CCDC69: variants seen among roughly 807,000 people sequenced by gnomAD.
The protein encoded by CCDC69 is coiled-coil domain-containing protein 69.
A neutral mutation model predicts 40.3 loss-of-function variants in CCDC69; 38 were observed. The observed-to-expected ratio is 0.94, with a 90% CI of 0.73 to 1.24. CCDC69 has a LOEUF of 1.24. Ranked by LOEUF, CCDC69 falls within the 50% of genes most tolerant of loss-of-function variation. CCDC69 has a pLI of 0.00. For missense variants in CCDC69, 389 were observed against 357.9 expected, an observed-to-expected ratio of 1.09 and a Z score of -0.70; for synonymous variants, 141 against 138.9, an observed-to-expected ratio of 1.02 and a Z score of -0.11.
chr5:151,210,368 C>A (rs915141015), intron 1 of CCDC69, among the ~76,000 whole-genome samples: 1 of 151,378 alleles, frequency 6.6e-6, no homozygotes, highest in African/African-American at 2.4e-5. Context: ...ACCTGTGAAA[C>A]CCCGTCTCTA....
chr5:151,223,943 T>C lies in CCDC69; in HGVS notation c.28A>G (p.Ser10Gly). Reference protein sequence around the residue: MGCRHSRLSSCKPPKKKRQE... With the variant: MGCRHSRLSGCKPPKKKRQE... ...TTTACCTTTTTCGGGGGTTTGCAGCTGCTCAGCCTGCTGTGTCTGCAGCCC... is the reference window on the plus strand; with the variant it reads ...TTTACCTTTTTCGGGGGTTTGCAGCCGCTCAGCCTGCTGTGTCTGCAGCCC... The change falls in exon 1 of 9, where the codon AGC becomes GGC. Residue 10 changes from serine to glycine, a missense_variant. Ser to Gly is a moderately conservative substitution (Grantham distance 56, BLOSUM62 0). Transcript: ENST00000355417. 2 of 1,577,246 alleles carry C rather than the reference T, an allele frequency of 1.3e-6. No homozygotes were observed. The highest frequency in any genetic ancestry group is 1.7e-6 in the Non-Finnish European group (2 of 1,165,184).
intron 3 of CCDC69, 65 bp downstream of exon 3, chr5:151,201,517 A>T: frequency 9.4e-7 from 1 of 1,059,412 alleles, no homozygotes; most frequent in Non-Finnish European, 1.4e-6. Context: ...GTAGGCACTC[A>T]CTCTGGGATT....
intron 2 of CCDC69, among the ~76,000 whole-genome samples, chr5:151,203,335 C>T (rs1056318197): frequency 1.3e-5 from 2 of 151,268 alleles, no homozygotes; most frequent in African/African-American, 4.9e-5. Context: ...GGTGAAGCCC[C>T]GTCTCTACCA....
In CCDC69 at chr5:151,183,540, T is replaced by C. The variant is rs1766675584; in HGVS notation, c.788A>G (p.Gln263Arg). Residue 263 changes from glutamine to arginine, a missense_variant, in exon 9 of 9, where the codon CAG becomes CGG. Transcript: ENST00000355417. ...KEVQLRRQLQ[Q>R]EKEELLYRVL... is the part of the protein sequence containing the mutation. ...CCGGTACAACAGCTCCTCCTTCTCC[T>C]GCTGGAGCTGTCGCCGCAGCTGCAC... 4 of 1,611,270 alleles carry C rather than the reference T, an allele frequency of 2.5e-6. No individual in the cohort carries two copies. The highest frequency in any genetic ancestry group is 2.7e-5 in the African/African-American group (2 of 74,920).
intron 4 of CCDC69, among the ~76,000 whole-genome samples, chr5:151,191,108 A>G (rs1752605725): frequency 6.8e-6 from 1 of 148,130 alleles, no homozygotes; most frequent in Non-Finnish European, 1.5e-5. Context: ...AAAAAAAAAA[A>G]CCACCCACCA....
intron 4 of CCDC69, among the ~76,000 whole-genome samples, chr5:151,188,632 G>A (rs1025559372): frequency 2.0e-5 from 3 of 151,216 alleles, no homozygotes; most frequent in Non-Finnish European, 2.9e-5. Context: ...ATAATGTTCA[G>A]TAATATAACT....
At chr5:151,217,108 A>T (rs1238287833) in intron 1 of CCDC69, among the ~76,000 whole-genome samples, 2 of 152,242 alleles carry the variant, frequency 1.3e-5, no homozygotes, top group Non-Finnish European at 2.9e-5. Context: ...ACTCGAGGTG[A>T]TGAAACTCCA....
At chr5:151,200,084 T>C (rs1048577913) in intron 3 of CCDC69, among the ~76,000 whole-genome samples, 6 of 151,876 alleles carry the variant, frequency 4.0e-5, no homozygotes, top group Middle Eastern at 3.2e-3. Context: ...TAGCAGAAAA[T>C]CTTTCAGTAA....
chr5:151,193,887 C>A (rs909506127), intron 4 of CCDC69, among the ~76,000 whole-genome samples: 7 of 152,136 alleles, frequency 4.6e-5, no homozygotes, highest in African/African-American at 7.2e-5. Flanking sequence ...CAAAACTCCA[C>A]AGTAAGGACA....
intron 4 of CCDC69, among the ~76,000 whole-genome samples, chr5:151,192,018 G>C (rs1455804597): frequency 1.4e-5 from 2 of 139,258 alleles, no homozygotes; most frequent in African/African-American, 5.3e-5. Context: ...CCAGGAGTTT[G>C]AGGCTGCCCT....
rs1325080536 is a variant in CCDC69, at chr5:151,187,526, G to T, written c.320-67C>A. On this transcript the variant is annotated intron_variant, in intron 4 of 8. Transcript: ENST00000355417. ...CCCAAAGCCTTCTGCAGGCCCCTTG[G>T]TGGCCAGGAAGGTCCAGATATTTAA... The T allele has an allele frequency of 1.1e-5, 15 of 1,363,552 alleles. No individual in the cohort carries two copies. In the Admixed American group the frequency reaches 2.5e-4, roughly 23 times the overall value. 84.5% of individuals were successfully genotyped at this position (1,363,552 alleles called of 1,614,324 possible).
chr5:151,222,173 G>A (rs1022814987), intron 1 of CCDC69, among the ~76,000 whole-genome samples: 13 of 152,246 alleles, frequency 8.5e-5, no homozygotes, highest in African/African-American at 3.1e-4. Context: ...CCTCAGTCAT[G>A]CTCCTTCCCT....
chr5:151,201,469 T>C (rs1030354507), intron 3 of CCDC69, 113 bp downstream of exon 3: 11 of 648,428 alleles, frequency 1.7e-5, no homozygotes, highest in South Asian at 2.0e-5. Context: ...CCTGGTAAAA[T>C]GAGTAAGGGA....
At position 151,185,472 on chromosome 5, in the gene CCDC69, T is replaced by C. The variant is rs1752489186; in HGVS notation, c.565A>G (p.Asn189Asp). ...ESLHFVIEMK[N>D]ERIHELDRRL... ...CTGTCCAGCTCATGAATACGCTCATTCTTCATCTCGATGACAAAGTGTAAG... is the reference window on the plus strand; with the variant it reads ...CTGTCCAGCTCATGAATACGCTCATCCTTCATCTCGATGACAAAGTGTAAG... Residue 189 changes from asparagine to aspartate, a missense_variant, in exon 7 of 9, where the codon AAT (asparagine) becomes GAT (aspartate). By Grantham distance (23) the Asn-to-Asp change is conservative. Transcript: ENST00000355417. 1.2e-6 allele frequency: 2 copies of C among 1,614,046 alleles called. No individual in the cohort carries two copies. The highest frequency in any genetic ancestry group is 4.5e-5 in the East Asian group (2 of 44,872).
At chr5:151,187,363 TGA>T (rs745842660) in intron 5 of CCDC69, 21 bp downstream of exon 5, 1 of 1,610,232 alleles carries the variant, frequency 6.2e-7, no homozygotes, top group South Asian at 1.1e-5. Context: ...TATCCAAGAC[TGA>T]CACGACCCAG....
At chr5:151,207,750 A>T (rs1752872851) in intron 1 of CCDC69, among the ~76,000 whole-genome samples, 1 of 151,914 alleles carries the variant, frequency 6.6e-6, no homozygotes, top group Non-Finnish European at 1.5e-5. Flanking sequence ...TTCTCATCTC[A>T]TGCTGGAGAG....
intron 3 of CCDC69, 103 bp from the exon 4 acceptor site, chr5:151,199,187 T>C: frequency 1.1e-6 from 1 of 884,998 alleles, no homozygotes; most frequent in Non-Finnish European, 1.9e-6. Context: ...ACCAGAGTCC[T>C]AACCCTTCCT....
At chr5:151,189,197 C>T (rs566933264) in intron 4 of CCDC69, among the ~76,000 whole-genome samples, 4 of 151,764 alleles carry the variant, frequency 2.6e-5, no homozygotes, top group Non-Finnish European at 4.4e-5. Context: ...CTGTCACTGA[C>T]GGCAAGAAGG....
intron 1 of CCDC69, among the ~76,000 whole-genome samples, chr5:151,216,242 AGCCACCATGCCCG>A (rs1056287743): frequency 6.6e-6 from 1 of 151,972 alleles, no homozygotes; most frequent in African/African-American, 2.4e-5. Flanking sequence ...TACAGGCGTG[AGCCACCATGCCCG>A]GCCAACTATT....
Sources: gnomAD v4.1 joint callset for allele counts (sites outside exome capture counted in the v4.1 genomes callset) on GRCh38, gnomAD v4.1.1 for gene constraint, MANE v1.5 for transcripts, NCBI Gene and HGNC (gene_info 2026-07-23, HGNC 2026-07-21) for gene names.